The following IPO11 variants were observed in gnomAD, a reference collection of about 807,000 sequenced individuals.
IPO11 encodes importin 11, also known as importin-11.
A neutral mutation model predicts 143.2 loss-of-function variants in IPO11; 66 were observed. The ratio of observed to expected loss-of-function variants is 0.46; its 90% CI spans 0.38 to 0.57. The LOEUF is 0.57. IPO11 is among the 20% of genes least tolerant of loss of function. The probability of loss-of-function intolerance (pLI) is 0.00; values close to 1 mark genes in which losing one functional copy is unlikely to be tolerated. For missense variants in IPO11, 1,026 were observed against 1,141.0 expected, an observed-to-expected ratio of 0.90 and a Z score of 1.45; for synonymous variants, 385 against 377.8, an observed-to-expected ratio of 1.02 and a Z score of -0.22.
At chr5:62,568,221 C>T (rs1744021546) in intron 27 of IPO11, among the ~76,000 whole-genome samples, 1 of 151,914 alleles carries the variant, frequency 6.6e-6, no homozygotes, top group Admixed American at 6.6e-5. Flanking sequence ...ACCTCAGCCT[C>T]CCAAAGTGCT....
At chr5:62,482,977 T>C (rs1746264548) in intron 9 of IPO11, 124 bp from the exon 10 acceptor site, 2 of 629,820 alleles carry the variant, frequency 3.2e-6, no homozygotes, top group Admixed American at 3.2e-5. Flanking sequence ...TGAGTGAACA[T>C]AGACTCCACA....
At chr5:62,447,392 C>G (rs1296850437) in intron 3 of IPO11, among the ~76,000 whole-genome samples, 2 of 152,096 alleles carry the variant, frequency 1.3e-5, no homozygotes, top group African/African-American at 2.4e-5. Flanking sequence ...AGGCGTGAGC[C>G]AGTGCCCCCA....
chr5:62,550,143 T>C (rs951812951), intron 24 of IPO11, among the ~76,000 whole-genome samples: 8 of 152,230 alleles, frequency 5.3e-5, no homozygotes, highest in Admixed American at 3.3e-4. Context: ...ATGCAAGATA[T>C]ATAGCTGTGT....
chr5:62,604,050 G>A (rs1745608770), intron 29 of IPO11, among the ~76,000 whole-genome samples: 1 of 152,132 alleles, frequency 6.6e-6, no homozygotes, highest in South Asian at 2.1e-4. Context: ...TGTATTGTAG[G>A]CTGTACCATC....
intron 2 of IPO11, among the ~76,000 whole-genome samples, chr5:62,437,989 A>G (rs1443498980): frequency 6.6e-6 from 1 of 152,238 alleles, no homozygotes; most frequent in African/African-American, 2.4e-5. Flanking sequence ...TGCCAGAATG[A>G]AAGAAGTCTT....
chr5:62,571,638 A>G (rs1744134289), intron 27 of IPO11, among the ~76,000 whole-genome samples: 1 of 152,150 alleles, frequency 6.6e-6, no homozygotes, highest in Admixed American at 6.5e-5. Context: ...TTTTTCATAT[A>G]CATTTCAGTT....
Position 62,480,204 on chromosome 5 carries a change from G to C in IPO11, c.829-2897G>C, listed in dbSNP as rs564676423. On this transcript the variant is annotated intron_variant, in intron 9 of 29. Transcript: ENST00000325324. ...CCATTTATTCAATAGGAATCCTTTC[G>C]CCATTTCTTGTTTTTGTCAGGTTTG... Among the ~76,000 whole-genome samples, 35 of 152,138 alleles carry C rather than the reference G, an allele frequency of 2.3e-4. No individual in the cohort carries two copies. In the East Asian group the frequency reaches 4.2e-3, roughly 18 times the overall value.
chr5:62,537,376 AAGG>A, intron 24 of IPO11, 87 bp downstream of exon 24: 2 of 885,686 alleles, frequency 2.3e-6, no homozygotes, highest in Admixed American at 1.9e-5. Flanking sequence ...GGTTCGCAAG[AAGG>A]AGAAGAGTTG....
At chr5:62,553,071 A>AT (rs781272122) in intron 26 of IPO11, among the ~76,000 whole-genome samples, 9 of 152,148 alleles carry the variant, frequency 5.9e-5, no homozygotes, top group East Asian at 3.9e-4. Flanking sequence ...TCTATGTGTG[A>AT]TTTTTTTATC....
chr5:62,546,719 G>A (rs534986193), intron 24 of IPO11, among the ~76,000 whole-genome samples: 1 of 152,330 alleles, frequency 6.6e-6, no homozygotes, highest in Non-Finnish European at 1.5e-5. Flanking sequence ...TTAGTAATAG[G>A]TAATTGGATG....
intron 26 of IPO11, among the ~76,000 whole-genome samples, chr5:62,557,121 A>G (rs1443778525): frequency 2.0e-5 from 3 of 152,012 alleles, no homozygotes; most frequent in Admixed American, 6.6e-5. Context: ...GTGCCCCTCA[A>G]TGTGTTATCT....
intron 27 of IPO11, among the ~76,000 whole-genome samples, chr5:62,583,383 T>G (rs1324626409): frequency 6.6e-6 from 1 of 152,210 alleles, no homozygotes; most frequent in Non-Finnish European, 1.5e-5. Flanking sequence ...CAGGAAAATT[T>G]ATATAACAAA....
intron 12 of IPO11, 77 bp from the exon 13 acceptor site, chr5:62,487,690 TTAAG>T (rs1746461271): frequency 7.1e-6 from 9 of 1,268,694 alleles, no homozygotes; most frequent in Middle Eastern, 2.7e-4. Context: ...AATTTTAAGA[TTAAG>T]TATTTGCTTT....
intron 5 of IPO11, among the ~76,000 whole-genome samples, chr5:62,459,291 A>G (rs566077914): frequency 6.6e-6 from 1 of 152,094 alleles, no homozygotes; most frequent in South Asian, 2.1e-4. Context: ...TGAAAATTAG[A>G]TTTTACTTTA....
At chr5:62,456,739 TTAG>T (rs1176086124) in intron 5 of IPO11, among the ~76,000 whole-genome samples, 1 of 152,184 alleles carries the variant, frequency 6.6e-6, no homozygotes, top group East Asian at 1.9e-4. Flanking sequence ...GAAGACAGAA[TTAG>T]TAGTCTCTTG....
intron 20 of IPO11, among the ~76,000 whole-genome samples, chr5:62,520,375 ATT>A (rs755401076): frequency 8.6e-4 from 127 of 147,338 alleles, no homozygotes; most frequent in African/African-American, 3.1e-3. Flanking sequence ...GATACGACAG[ATT>A]TTTTTTTTTT....
chr5:62,532,309 T>A lies in IPO11; in HGVS notation c.2089+1524T>A, dbSNP rs116058575. On this transcript the variant is annotated intron_variant, in intron 22 of 29. Transcript: ENST00000325324. ...ACACTATTTTTAGTGTAGCTTTAGG[T>A]AAGTGCTCTAGTGTAGTGGTTTTTT... 4.5e-3 allele frequency among the ~76,000 whole-genome samples: 689 copies of A among 152,270 alleles called. 5 individuals are homozygous for A. The highest frequency in any genetic ancestry group is 0.016 in the African/African-American group (646 of 41,564).
intron 15 of IPO11, among the ~76,000 whole-genome samples, chr5:62,490,816 T>G (rs1746582057): frequency 6.6e-6 from 1 of 152,136 alleles, no homozygotes; most frequent in South Asian, 2.1e-4. Flanking sequence ...AGTGCAGTGG[T>G]GCAATCTCAG....
At chr5:62,572,420 A>T (rs545111470) in intron 27 of IPO11, among the ~76,000 whole-genome samples, 3 of 152,348 alleles carry the variant, frequency 2.0e-5, no homozygotes, top group South Asian at 4.1e-4. Context: ...CATAGAAAAT[A>T]CATTGGAAGT....
Sources: gnomAD v4.1 joint callset for allele counts (sites outside exome capture counted in the v4.1 genomes callset) on GRCh38, gnomAD v4.1.1 for gene constraint, MANE v1.5 for transcripts, NCBI Gene and HGNC (gene_info 2026-07-23, HGNC 2026-07-21) for gene names.